The following MDGA2 variants were observed in gnomAD, a reference collection of about 807,000 sequenced individuals.
The protein encoded by MDGA2 is MAM domain containing glycosylphosphatidylinositol anchor 2, also known as MAM domain-containing glycosylphosphatidylinositol anchor protein 2.
MDGA2 carries 40 observed loss-of-function variants against 117.8 expected under a neutral mutation model. The observed-to-expected ratio is 0.34, with a 90% CI of 0.26 to 0.44. The LOEUF (loss-of-function observed/expected upper bound fraction) is 0.44. Ranked by LOEUF, MDGA2 falls within the 20% of genes least tolerant of loss-of-function variation. The pLI, the probability that MDGA2 is intolerant of heterozygous loss-of-function variation, is 1.00. For synonymous variants in MDGA2, 452 were observed against 439.0 expected, an observed-to-expected ratio of 1.03 and a Z score of -0.37; for missense variants, 1,123 against 1,250.6, an observed-to-expected ratio of 0.90 and a Z score of 1.54.
intron 1 of MDGA2, among the ~76,000 whole-genome samples, chr14:47,481,501 CTG>C (rs1477754977): frequency 6.6e-6 from 1 of 151,984 alleles, no homozygotes; most frequent in African/African-American, 2.4e-5. Context: ...TAATGTTTCT[CTG>C]TGTCTTGATA....
At chr14:47,426,456 A>T (rs990273309) in intron 1 of MDGA2, among the ~76,000 whole-genome samples, 1 of 151,882 alleles carries the variant, frequency 6.6e-6, no homozygotes, top group Admixed American at 6.6e-5. Context: ...ACACCACAAG[A>T]TGATCTGGGT....
intron 3 of MDGA2, among the ~76,000 whole-genome samples, chr14:47,214,052 A>G (rs1952205): frequency 0.83 from 126,543 of 151,910 alleles, 52,885 homozygotes; most frequent in African/African-American, 0.88. Flanking sequence ...ATCAGATCTC[A>G]TAAAAACTCA....
Position 47,067,859 on chromosome 14 carries a change from A to G in MDGA2, c.1196-6281T>C, listed in dbSNP as rs1890140361. ...GTCTTAAAAGTATTAAAGATTCTGGAAAATGGATATGAGCAGGGAGGTCTT... is the reference window on the plus strand; with the variant it reads ...GTCTTAAAAGTATTAAAGATTCTGGGAAATGGATATGAGCAGGGAGGTCTT... On this transcript the variant is annotated intron_variant, in intron 6 of 16. Transcript: ENST00000399232. 2.0e-5 allele frequency among the ~76,000 whole-genome samples: 3 copies of G among 152,332 alleles called. No homozygotes were observed. The South Asian group carries it at 6.2e-4, about 32-fold the overall frequency.
At chr14:47,567,386 C>G (rs1029055822) in intron 1 of MDGA2, among the ~76,000 whole-genome samples, 1 of 152,142 alleles carries the variant, frequency 6.6e-6, no homozygotes, top group Admixed American at 6.5e-5. Context: ...AAACACTTAT[C>G]ATACATTATC....
At chr14:47,008,006 T>C (rs907253675) in intron 8 of MDGA2, among the ~76,000 whole-genome samples, 10 of 151,862 alleles carry the variant, frequency 6.6e-5, no homozygotes, top group African/African-American at 2.2e-4. Flanking sequence ...TTTGTTTCAT[T>C]TGTGACCTTT....
intron 3 of MDGA2, among the ~76,000 whole-genome samples, chr14:47,189,616 CATG>C (rs1250972072): frequency 1.3e-5 from 2 of 152,132 alleles, no homozygotes; most frequent in African/African-American, 4.8e-5. Flanking sequence ...TTTGCAGTTT[CATG>C]ATGATTGAAA....
intron 1 of MDGA2, among the ~76,000 whole-genome samples, chr14:47,552,759 A>AT (rs1566511479): frequency 1.3e-5 from 2 of 151,984 alleles, no homozygotes; most frequent in African/African-American, 4.8e-5. Context: ...TAATAGTCAA[A>AT]TTTTTTCTTT....
At chr14:46,980,990 T>A (rs1886647883) in intron 8 of MDGA2, among the ~76,000 whole-genome samples, 1 of 152,198 alleles carries the variant, frequency 6.6e-6, no homozygotes. Context: ...GTGTTTCAAA[T>A]TCTGACTTTT....
At chr14:47,006,421 T>C (rs931191961) in intron 8 of MDGA2, among the ~76,000 whole-genome samples, 103 of 102,196 alleles carry the variant, frequency 1.0e-3, no homozygotes, top group African/African-American at 4.2e-3. Context: ...TTTATAATTA[T>C]ATTATATGTA....
At chr14:47,294,103 CTTTTTTTTTTTT>C (rs35698427) in intron 2 of MDGA2, among the ~76,000 whole-genome samples, 2 of 99,142 alleles carry the variant, frequency 2.0e-5, no homozygotes, top group African/African-American at 8.3e-5. Context: ...ATATGGCAAT[CTTTTTTTTTTTT>C]TTTTTTTTTT....
intron 1 of MDGA2, among the ~76,000 whole-genome samples, chr14:47,513,420 T>A (rs1324690700): frequency 6.6e-6 from 1 of 152,058 alleles, no homozygotes; most frequent in Non-Finnish European, 1.5e-5. Flanking sequence ...ATGTGGAAAA[T>A]GTTGAATCAT....
intron 1 of MDGA2, among the ~76,000 whole-genome samples, chr14:47,609,387 C>T (rs1345843755): frequency 1.7e-5 from 2 of 120,124 alleles, no homozygotes; most frequent in South Asian, 2.7e-4. Flanking sequence ...ACTGTAAATG[C>T]TGTCAATTCA....
chr14:47,226,915 C>T (rs1172887709), intron 2 of MDGA2, among the ~76,000 whole-genome samples: 1 of 152,130 alleles, frequency 6.6e-6, no homozygotes, highest in Non-Finnish European at 1.5e-5. Context: ...TCCTTTCTGA[C>T]TTGAAAGTTC....
intron 1 of MDGA2, among the ~76,000 whole-genome samples, chr14:47,605,526 T>A (rs182868738): frequency 3.3e-5 from 5 of 152,082 alleles, no homozygotes; most frequent in Non-Finnish European, 7.4e-5. Context: ...TAGAATAAGA[T>A]CACTTGCCAG....
At position 47,016,239 on chromosome 14, in the gene MDGA2, G is replaced by A. The variant is rs549575786; in HGVS notation, c.1819+18772C>T. ...GGCTTAGCCATTTAAAAAATGGTGA[G>A]TAGGTATGCATTCTTCATAGGATTG... On this transcript the variant is annotated intron_variant, in intron 8 of 16. Coordinates refer to ENST00000399232, the MANE Select transcript of MDGA2 (RefSeq NM_001113498.3). Among the ~76,000 whole-genome samples, 57 of 152,124 alleles carry A rather than the reference G, an allele frequency of 3.7e-4. 1 individual carries two copies. Among genetic ancestry groups the A allele is most frequent in the African/African-American group, 1.3e-3 (53 of 41,536 alleles).
At chr14:46,878,582 A>G (rs1361456156) in intron 11 of MDGA2, among the ~76,000 whole-genome samples, 2 of 152,020 alleles carry the variant, frequency 1.3e-5, no homozygotes, top group Admixed American at 1.3e-4. Flanking sequence ...AATGATTTCC[A>G]CTATTCCTAC....
chr14:47,416,726 G>T (rs1217732127), intron 1 of MDGA2, among the ~76,000 whole-genome samples: 1 of 152,140 alleles, frequency 6.6e-6, no homozygotes, highest in Non-Finnish European at 1.5e-5. Flanking sequence ...ATGGCACTAT[G>T]CAAGGTTCAC....
chr14:47,280,979 AAT>A (rs909058334), intron 2 of MDGA2, among the ~76,000 whole-genome samples: 2 of 147,782 alleles, frequency 1.4e-5, no homozygotes, highest in Non-Finnish European at 3.0e-5. Flanking sequence ...GATATAATAA[AAT>A]ATATAATTAA....
chr14:46,927,586 A>T (rs534979507), intron 9 of MDGA2, among the ~76,000 whole-genome samples: 2 of 152,316 alleles, frequency 1.3e-5, no homozygotes, highest in South Asian at 4.1e-4. Context: ...ACAACAGTGA[A>T]GTCAATGACA....
Sources: gnomAD v4.1 joint callset for allele counts (sites outside exome capture counted in the v4.1 genomes callset) on GRCh38, gnomAD v4.1.1 for gene constraint, MANE v1.5 for transcripts, NCBI Gene and HGNC (gene_info 2026-07-23, HGNC 2026-07-21) for gene names.